The following PUM1 variants were observed in gnomAD, a reference collection of about 807,000 sequenced individuals.
The protein encoded by PUM1 is pumilio homolog 1.
A neutral mutation model predicts 131.8 loss-of-function variants in PUM1; 13 were observed. The observed-to-expected ratio is 0.10, with a 90% CI of 0.06 to 0.16. The LOEUF (loss-of-function observed/expected upper bound fraction) is 0.16. Among genes scored for constraint, PUM1 ranks in the 10% least tolerant of loss-of-function variants. PUM1 has a pLI of 1.00. For missense variants in PUM1, 961 were observed against 1,512.4 expected (o/e 0.64, Z 6.05); for synonymous variants, 509 against 556.5 (o/e 0.91, Z 1.20).
chr1:30,978,007 G>A (rs1261805553), intron 9 of PUM1, among the ~76,000 whole-genome samples: 1 of 152,188 alleles, frequency 6.6e-6, no homozygotes, highest in East Asian at 1.9e-4. Flanking sequence ...CACTCTGGGA[G>A]GCCAAGGAGG....
chr1:30,966,075 A>T lies in PUM1; in HGVS notation c.1993T>A (p.Ser665Thr). The change falls in exon 13 of 22, where the codon TCT becomes ACT. Residue 665 changes from serine (S) to threonine (T), a missense_variant. This residue lies in a region of PUM1 where 654 missense variants were observed against 923.9 expected (regional missense o/e 0.71). Coordinates refer to ENST00000426105, the MANE Select transcript of PUM1 (RefSeq NM_001020658.2). The part of the protein sequence containing the change: ...SQSSSLFSQG[S>T]AQPANTSLGF... ...AAGGATGTGTTGGCAGGCTGGGCAG[A>T]GCCCTGGGAGAAGAGGGAGCTGCTC... The T allele has an allele frequency of 6.2e-7, 1 of 1,614,194 alleles. No homozygotes were observed. The highest frequency in any genetic ancestry group is 8.5e-7 in the Non-Finnish European group (1 of 1,180,028).
chr1:31,023,219 C>T (rs1259339367), intron 3 of PUM1, among the ~76,000 whole-genome samples: 1 of 151,536 alleles, frequency 6.6e-6, no homozygotes, highest in Non-Finnish European at 1.5e-5. Context: ...GAATTAATTA[C>T]ACTGCTTGGT....
At chr1:30,983,955 C>G (rs1175574795) in intron 7 of PUM1, among the ~76,000 whole-genome samples, 1 of 151,996 alleles carries the variant, frequency 6.6e-6, no homozygotes, top group African/African-American at 2.4e-5. Context: ...TGTACTGTAT[C>G]TGTAAATATA....
chr1:30,955,742 A>C (rs1441992450), intron 14 of PUM1, among the ~76,000 whole-genome samples: 1 of 152,214 alleles, frequency 6.6e-6, no homozygotes, highest in African/African-American at 2.4e-5. Context: ...TTTGGGGTTT[A>C]ATGGTAGCCA....
intron 7 of PUM1, among the ~76,000 whole-genome samples, chr1:30,989,957 A>G (rs1266737319): frequency 6.6e-6 from 1 of 152,220 alleles, no homozygotes; most frequent in Non-Finnish European, 1.5e-5. Flanking sequence ...TTCTGATCAG[A>G]TGACAACAGA....
Position 30,953,085 on chromosome 1 carries a change from A to G in PUM1, c.2591+629T>C, listed in dbSNP as rs117534706. Among the ~76,000 whole-genome samples the G allele has an allele frequency of 5.1e-3, 773 of 152,324 alleles. 3 individuals are homozygous for G. Among genetic ancestry groups the G allele is most frequent in the East Asian group, 0.031 (163 of 5,188 alleles). ...TTTTTTAGTCCAAATGACCACTATC[A>G]GGAAAATCATGTTGCCTCTGAATCT... On this transcript the variant is annotated intron_variant, in intron 15 of 21. Transcript: ENST00000426105.
intron 13 of PUM1, 30 bp from the exon 14 acceptor site, chr1:30,964,940 G>T: frequency 6.3e-7 from 1 of 1,577,784 alleles, no homozygotes; most frequent in South Asian, 1.1e-5. Flanking sequence ...ATGCAGATAA[G>T]AACAGGCCTG....
chr1:30,936,655 G>A lies in PUM1; in HGVS notation c.3423C>T (p.Ile1141=), dbSNP rs114154027. The A allele has an allele frequency of 3.1e-4, 499 of 1,613,556 alleles. 1 individual carries two copies. Among genetic ancestry groups the A allele is most frequent in the African/African-American group, 3.0e-3 (227 of 75,012 alleles). The change falls in exon 21 of 22, where the codon ATC becomes ATT. Residue 1141 remains isoleucine (I), a synonymous_variant. Transcript: ENST00000426105. ...CAGCCCGGCCTACCTTATGCATGAC[G>A]ATCTTCCGCTGGCCTGGCTCCGCCA... ...IDVAEPGQRK[I]VMHKIRPHIA...
At chr1:31,056,277 T>G (rs1257970217) in intron 2 of PUM1, among the ~76,000 whole-genome samples, 2 of 151,530 alleles carry the variant, frequency 1.3e-5, no homozygotes, top group Non-Finnish European at 2.9e-5. Flanking sequence ...AAAGAGAAAA[T>G]CTTTCTTTTT....
At chr1:31,007,829 C>T (rs1444482439) in intron 3 of PUM1, among the ~76,000 whole-genome samples, 1 of 152,178 alleles carries the variant, frequency 6.6e-6, no homozygotes, top group Non-Finnish European at 1.5e-5. Context: ...TTTATACTAG[C>T]TTCAACAAAA....
chr1:31,012,407 C>G (rs1180832991), intron 3 of PUM1, among the ~76,000 whole-genome samples: 1 of 151,972 alleles, frequency 6.6e-6, no homozygotes, highest in African/African-American at 2.4e-5. Flanking sequence ...ACCTTGTACT[C>G]TTTCTTGTAA....
intron 3 of PUM1, among the ~76,000 whole-genome samples, chr1:31,013,923 T>C (rs1334464938): frequency 1.3e-5 from 2 of 152,206 alleles, no homozygotes; most frequent in African/African-American, 4.8e-5. Context: ...CTTTAACTTA[T>C]TAAAACATAT....
chr1:30,969,238 A>C (rs1378011856), intron 10 of PUM1, among the ~76,000 whole-genome samples: 1 of 141,944 alleles, frequency 7.0e-6, no homozygotes, highest in Non-Finnish European at 1.5e-5. Flanking sequence ...TGGGAGGCGG[A>C]GGTTGCAGTG....
At chr1:30,984,373 T>G (rs904903524) in intron 7 of PUM1, among the ~76,000 whole-genome samples, 13 of 152,144 alleles carry the variant, frequency 8.5e-5, no homozygotes, top group Non-Finnish European at 2.9e-5. Context: ...CCTGAAAAAC[T>G]CACACAAATG....
chr1:30,969,582 C>T (rs938377784), intron 10 of PUM1, among the ~76,000 whole-genome samples: 6 of 152,168 alleles, frequency 3.9e-5, no homozygotes, highest in Non-Finnish European at 5.9e-5. Flanking sequence ...CACAAACATA[C>T]GCATTAGTCA....
intron 9 of PUM1, 83 bp downstream of exon 9, chr1:30,979,979 G>C: frequency 1.1e-6 from 1 of 923,018 alleles, no homozygotes; most frequent in Non-Finnish European, 1.6e-6. Context: ...ACATGGATTT[G>C]GGAAAGAGTA....
intron 1 of PUM1, among the ~76,000 whole-genome samples, chr1:31,063,622 T>G (rs1435462851): frequency 6.6e-6 from 1 of 152,130 alleles, no homozygotes; most frequent in African/African-American, 2.4e-5. Flanking sequence ...CAAATAAAAA[T>G]TTTTAAAAGA....
chr1:30,935,434 C>T (rs1471900523), intron 21 of PUM1, among the ~76,000 whole-genome samples: 1 of 152,252 alleles, frequency 6.6e-6, no homozygotes, highest in South Asian at 2.1e-4. Flanking sequence ...CTGTGCACAG[C>T]ACTATCACGT....
At chr1:31,009,183 C>CAA (rs946077936) in intron 3 of PUM1, among the ~76,000 whole-genome samples, 1 of 131,292 alleles carries the variant, frequency 7.6e-6, no homozygotes, top group African/African-American at 2.8e-5. Context: ...ACTCCATCTT[C>CAA]AAAAAAAAAA....
Sources: allele counts gnomAD v4.1 joint callset (sites outside exome capture counted in the v4.1 genomes callset), GRCh38; gene constraint gnomAD v4.1.1; regional missense constraint gnomAD v4.1.1; transcripts MANE v1.5; gene names NCBI Gene and HGNC (gene_info 2026-07-23, HGNC 2026-07-21).